MAG: variants seen among roughly 807,000 people sequenced by gnomAD.
The protein encoded by MAG is myelin-associated glycoprotein.
In MAG, 30 loss-of-function variants were observed where a neutral mutation model predicts 60.7. The observed-to-expected ratio is 0.49, with a 90% CI of 0.37 to 0.67. MAG has a LOEUF of 0.67. Among genes scored for constraint, MAG ranks in the 30% least tolerant of loss-of-function variants. MAG has a pLI of 0.00. For synonymous variants in MAG, 384 were observed against 376.8 expected, an observed-to-expected ratio of 1.02 and a Z score of -0.22; for missense variants, 795 against 851.7, an observed-to-expected ratio of 0.93 and a Z score of 0.83.
Position 35,295,364 on chromosome 19 carries a change from A to G in MAG, c.-23-22A>G. On this transcript the variant is annotated intron_variant, in intron 2 of 10. Transcript: ENST00000392213. The surrounding 1 kb of genome is among the most constrained non-coding windows in gnomAD (Gnocchi z 5.8). ...CCCCTTTCACTTCCCCCAGCCTTTA[A>G]CCCTCTCCTCTCCCTTTCCAGCGAT... 2 of 1,609,972 alleles carry G rather than the reference A, an allele frequency of 1.2e-6. No homozygotes were observed. Among genetic ancestry groups the G allele is most frequent in the Non-Finnish European group, 1.7e-6 (2 of 1,177,826 alleles).
intron 6 of MAG, 142 bp downstream of exon 6, chr19:35,300,546 C>T: frequency 9.6e-7 from 1 of 1,044,314 alleles, no homozygotes; most frequent in Non-Finnish European, 1.3e-6. Context: ...AGGGGGGTTG[C>T]AAGTCAAGGT....
At chr19:35,294,440 G>A (rs1190649125) in intron 2 of MAG, 150 bp downstream of exon 2, 1 of 362,606 alleles carries the variant, frequency 2.8e-6, no homozygotes, top group Non-Finnish European at 5.4e-6. Flanking sequence ...ATAGAGACAG[G>A]ACATGCAGCA....
chr19:35,309,508 C>T (rs1348833686), intron 7 of MAG, among the ~76,000 whole-genome samples: 1 of 152,056 alleles, frequency 6.6e-6, no homozygotes, highest in Non-Finnish European at 1.5e-5. Flanking sequence ...GTACTCCTGA[C>T]CTCAAGTGAT....
rs200431991 is a variant in MAG, at chr19:35,299,643, C to T, written c.505C>T (p.Arg169Cys). The T allele has an allele frequency of 1.9e-6, 3 of 1,609,950 alleles. No individual in the cohort carries two copies. Among genetic ancestry groups the T allele is most frequent in the East Asian group, 4.5e-5 (2 of 44,544 alleles). ...CMVPDNCPEL[R>C]PELSWLGHEG... ...GGTGCCGGACAACTGCCCAGAGCTG[C>T]GCCCTGAGCTGAGCTGGCTGGGCCA... The change falls in exon 5 of 11, where the codon CGC (arginine) becomes TGC (cysteine). Residue 169 changes from arginine (R) to cysteine (C), a missense_variant. By Grantham distance (180) the Arg-to-Cys change is radical. Coordinates refer to ENST00000392213, the MANE Select transcript of MAG (RefSeq NM_002361.4).
At position 35,300,197 on chromosome 19, in the gene MAG, TC is replaced by T; in HGVS notation, c.766del (p.His256ThrfsTer2). The T allele has an allele frequency of 6.4e-7, 1 of 1,571,262 alleles. No individual in the cohort carries two copies. Reference protein sequence around the residue: ...MNSSVEAIEGSHVSLLCGADS... With the variant: ...MNSSVEAIEGXHVSLLCGADS... ...CTCCTCGGTGGAGGCCATCGAGGGC[TC>T]CCACGTGAGCCTGCTCTGTGGGGCT... On this transcript the variant is annotated frameshift_variant, in exon 6 of 11. Transcript: ENST00000392213. LOFTEE classifies it high-confidence loss of function.
Position 35,299,773 on chromosome 19 carries a change from G to A in MAG, c.635G>A (p.Gly212Asp). The A allele has an allele frequency of 6.5e-7, 1 of 1,548,880 alleles. No individual in the cohort carries two copies. Among genetic ancestry groups the A allele is most frequent in the Non-Finnish European group, 8.7e-7 (1 of 1,151,158 alleles). Residue 212 changes from glycine (G) to aspartate (D), a missense_variant, in exon 5 of 11, where the codon GGC becomes GAC. By Grantham distance (94) the Gly-to-Asp change is moderately conservative (BLOSUM62 -1). Transcript: ENST00000392213. ...TTCGTGCCCACGAGGGAGGCCAACG[G>A]CCACAGGCTGGGCTGCCAGGCCTCC... ...LHFVPTREANGHRLGCQASFP... is the reference protein window; with the variant it reads ...LHFVPTREANDHRLGCQASFP...
At chr19:35,312,510 T>C in intron 10 of MAG, 1 of 363,528 alleles carries the variant, frequency 2.8e-6, no homozygotes, top group Non-Finnish European at 5.3e-6. Flanking sequence ...GCCACCGTCC[T>C]GTGTGTCCAA....
At chr19:35,299,942 G>T in intron 5 of MAG, 92 bp downstream of exon 5, 1 of 1,263,248 alleles carries the variant, frequency 7.9e-7, no homozygotes, top group Non-Finnish European at 1.0e-6. Context: ...AGGCGGGGCC[G>T]GGCCGTGATG....
In MAG at chr19:35,295,582, C is replaced by G; in HGVS notation, c.47-31C>G. On this transcript the variant is annotated intron_variant, in intron 3 of 10. Transcript: ENST00000392213. The surrounding 1 kb of genome is among the most constrained non-coding windows in gnomAD (Gnocchi z 5.8). Reference sequence around the variant, plus strand: ...AGGGGGTGATCGGGTAGGACGTGTCCCTGAGCCTCAGCTCTCCTGCTTGCC... The same window carrying G: ...AGGGGGTGATCGGGTAGGACGTGTCGCTGAGCCTCAGCTCTCCTGCTTGCC... 1.9e-6 allele frequency: 3 copies of G among 1,593,970 alleles called. No homozygotes were observed. Among genetic ancestry groups the G allele is most frequent in the Admixed American group, 1.7e-5 (1 of 59,052 alleles).
chr19:35,302,553 T>C lies in MAG; in HGVS notation c.1076T>C (p.Ile359Thr), dbSNP rs901103923. The change falls in exon 7 of 11, where the codon ATC (isoleucine) becomes ACC (threonine). Residue 359 changes from isoleucine (I) to threonine (T), a missense_variant. Transcript: ENST00000392213. ...TQSNPDPILT[I>T]FKEKQILSTV... is the part of the protein sequence containing the mutation. ...AGCAACCCGGACCCTATTCTCACCA[T>C]CTTCAAGGAGAAGCAGATCCTGTCC... The C allele has an allele frequency of 3.1e-6, 5 of 1,614,112 alleles. No homozygotes were observed. In the African/African-American group the frequency reaches 6.7e-5, roughly 22 times the overall value.
intron 8 of MAG, 83 bp downstream of exon 8, chr19:35,310,244 C>T (rs1035135711): frequency 4.3e-5 from 64 of 1,474,254 alleles, no homozygotes; most frequent in Non-Finnish European, 5.3e-5. Flanking sequence ...GACCAACAGC[C>T]ACAGAGCATG....
intron 5 of MAG, 82 bp from the exon 6 acceptor site, chr19:35,300,064 TG>T: frequency 2.1e-6 from 2 of 965,262 alleles, no homozygotes; most frequent in East Asian, 5.7e-5. Flanking sequence ...CGGACAGTGT[TG>T]GGGGCGGGGC....
chr19:35,299,583 G>A lies in MAG; in HGVS notation c.445G>A (p.Val149Met). The change falls in exon 5 of 11, where the codon GTG (valine) becomes ATG (methionine). Residue 149 changes from valine to methionine, a missense_variant. By Grantham distance (21) the Val-to-Met change is conservative (BLOSUM62 1). Coordinates refer to ENST00000392213, the MANE Select transcript of MAG (RefSeq NM_002361.4). ...NTPNIVVPPE[V>M]VAGTEVEVSC... ...CCCCAACATCGTGGTGCCCCCAGAGGTGGTGGCAGGCACGGAGGTGGAGGT... is the reference window on the plus strand; with the variant it reads ...CCCCAACATCGTGGTGCCCCCAGAGATGGTGGCAGGCACGGAGGTGGAGGT... 6.2e-7 allele frequency: 1 copy of A among 1,602,388 alleles called. No homozygotes were observed. The highest frequency in any genetic ancestry group is 8.5e-7 in the Non-Finnish European group (1 of 1,171,896).
chr19:35,312,902 G>T (rs1273618163), intron 10 of MAG, among the ~76,000 whole-genome samples: 1 of 152,138 alleles, frequency 6.6e-6, no homozygotes, highest in Non-Finnish European at 1.5e-5. Flanking sequence ...AGCCAGGCGT[G>T]TTGGCAGGTG....
rs773454882 is a variant in MAG, at chr19:35,310,514, C to T, written c.1520-33C>T. ...CAGGTGTCGTCACCACCACCCATAG[C>T]CCTAAGGGCGCCTGGGTCTTTTCTG... is the stretch of plus-strand genomic sequence containing the variant. On this transcript the variant is annotated intron_variant, in intron 8 of 10. Coordinates refer to ENST00000392213, the MANE Select transcript of MAG (RefSeq NM_002361.4). 1.6e-5 allele frequency: 26 copies of T among 1,579,368 alleles called. No homozygotes were observed. In the East Asian group the frequency reaches 2.9e-4, roughly 18 times the overall value.
At chr19:35,297,710 A>T (rs1271457931) in intron 4 of MAG, among the ~76,000 whole-genome samples, 1 of 149,546 alleles carries the variant, frequency 6.7e-6, no homozygotes, top group Non-Finnish European at 1.5e-5. Flanking sequence ...CACACACCAA[A>T]CACACACTAC....
At chr19:35,301,738 G>T (rs2066450092) in intron 6 of MAG, among the ~76,000 whole-genome samples, 1 of 152,004 alleles carries the variant, frequency 6.6e-6, no homozygotes, top group Non-Finnish European at 1.5e-5. Context: ...CCTAATTTTT[G>T]TATTTTTAGT....
chr19:35,296,923 C>CCA (rs748646572), intron 4 of MAG, among the ~76,000 whole-genome samples: 2 of 150,152 alleles, frequency 1.3e-5, no homozygotes, highest in African/African-American at 2.5e-5. Context: ...ACCAAACACA[C>CCA]CACACACACA....
In MAG at chr19:35,295,269, A is replaced by G; in HGVS notation, c.-23-117A>G. 1.2e-6 allele frequency: 1 copy of G among 828,676 alleles called. No individual in the cohort carries two copies. Among genetic ancestry groups the G allele is most frequent in the Non-Finnish European group, 1.9e-6 (1 of 520,776 alleles). 51.3% of individuals were successfully genotyped at this position (828,676 alleles called of 1,614,324 possible). A position where few individuals can be genotyped will look rare whatever the true frequency, so the allele number is the denominator to read the frequency against. On this transcript the variant is annotated intron_variant, in intron 2 of 10. Transcript: ENST00000392213. This position sits in a 1 kb window ranked among gnomAD's most constrained non-coding sequence, Gnocchi z 5.8. Reference sequence around the variant, plus strand: ...CTCAGAAAAATAAGTAAATAAATGCATAAATAAATAATAATAGCAGCAGCA... The same window carrying G: ...CTCAGAAAAATAAGTAAATAAATGCGTAAATAAATAATAATAGCAGCAGCA...
Sources: gnomAD v4.1 joint callset for allele counts (sites outside exome capture counted in the v4.1 genomes callset) on GRCh38, gnomAD v4.1.1 for gene constraint, Gnocchi (gnomAD v3.1) non-coding constraint, MANE v1.5 for transcripts, NCBI Gene and HGNC (gene_info 2026-07-23, HGNC 2026-07-21) for gene names.